Variants in AGO2 observed in about 807,000 individuals in gnomAD.
AGO2 encodes the protein protein argonaute-2.
AGO2 carries 5 observed loss-of-function variants against 102.3 expected under a neutral mutation model. That is an observed-to-expected ratio of 0.05 (90% CI 0.03 to 0.10). The LOEUF (loss-of-function observed/expected upper bound fraction) is 0.10, where lower values mean the gene tolerates loss of function less well. Among genes scored for constraint, AGO2 ranks in the 10% least tolerant of loss-of-function variants. The probability of loss-of-function intolerance (pLI) is 1.00; values close to 1 mark genes in which losing one functional copy is unlikely to be tolerated. For missense variants in AGO2, 541 were observed against 1,183.7 expected (o/e 0.46, Z 7.97); for synonymous variants, 449 against 473.1 (o/e 0.95, Z 0.66).
intron 1 of AGO2, among the ~76,000 whole-genome samples, chr8:140,587,742 G>A (rs922911057): frequency 3.9e-5 from 6 of 152,242 alleles, no homozygotes; most frequent in Admixed American, 2.0e-4. Flanking sequence ...GGCCACATAC[G>A]CACTTGTCAC....
chr8:140,548,364 C>T (rs964931278), intron 12 of AGO2, among the ~76,000 whole-genome samples: 1 of 150,830 alleles, frequency 6.6e-6, no homozygotes, highest in African/African-American at 2.4e-5. Context: ...TCACTCACAC[C>T]ACGGCGCCCT....
rs558686978 is a variant in AGO2 at position 140,562,043 on chromosome 8, C to T, written c.518+410G>A. On this transcript the variant is annotated intron_variant, in intron 4 of 18. Coordinates refer to ENST00000220592, the MANE Select transcript of AGO2 (RefSeq NM_012154.5). ...AAAAGAGTAATCCTGAGAAAAAGGA[C>T]GTCCCCAACAGTCACAAAAAGCAGC... 8.2e-4 allele frequency among the ~76,000 whole-genome samples: 125 copies of T among 152,290 alleles called. No individual in the cohort carries two copies. In the East Asian group the frequency reaches 8.5e-3, roughly 10 times the overall value.
At chr8:140,629,848 GAA>G (rs1237792426) in intron 1 of AGO2, among the ~76,000 whole-genome samples, 1 of 134,378 alleles carries the variant, frequency 7.4e-6, no homozygotes, top group African/African-American at 2.7e-5. Flanking sequence ...AAAAAGAAAA[GAA>G]AAGAGGAGAG....
At position 140,560,546 on chromosome 8, in the gene AGO2, A is replaced by G. The variant is rs867520046; in HGVS notation, c.519-36T>C. ...GAGACCCCACCCCGCCTCCCGTCAGATGTGTCTTCCGGAAGGAACAGCTGC... is the reference window on the plus strand; with the variant it reads ...GAGACCCCACCCCGCCTCCCGTCAGGTGTGTCTTCCGGAAGGAACAGCTGC... On this transcript the variant is annotated intron_variant, in intron 4 of 18. Transcript: ENST00000220592. The G allele has an allele frequency of 3.8e-6, 6 of 1,592,858 alleles. 1 individual carries two copies. In the Middle Eastern group the frequency reaches 8.4e-4, roughly 223 times the overall value.
chr8:140,610,365 C>T lies in AGO2; in HGVS notation c.23-25054G>A, dbSNP rs182528158. Among the ~76,000 whole-genome samples the T allele has an allele frequency of 1.9e-3, 289 of 152,104 alleles. 1 individual carries two copies. The highest frequency in any genetic ancestry group is 2.6e-3 in the Admixed American group (40 of 15,282). ...CCCGAGTAGCTGGGATTACAGGTGC[C>T]CACCACCATGCCCAGCTAATTGTTT... On this transcript the variant is annotated intron_variant, in intron 1 of 18. Transcript: ENST00000220592.
intron 1 of AGO2, among the ~76,000 whole-genome samples, chr8:140,624,722 G>A (rs945469714): frequency 1.3e-5 from 2 of 152,218 alleles, no homozygotes; most frequent in South Asian, 2.1e-4. Context: ...TTCGGATGCC[G>A]GACACTATGC....
At chr8:140,578,890 C>T (rs890934282) in intron 2 of AGO2, among the ~76,000 whole-genome samples, 2 of 152,276 alleles carry the variant, frequency 1.3e-5, no homozygotes, top group East Asian at 3.8e-4. Context: ...CCCCGTTTGC[C>T]TGTTTGCCCT....
intron 13 of AGO2, among the ~76,000 whole-genome samples, chr8:140,545,658 G>A (rs1478761538): frequency 1.3e-5 from 2 of 152,190 alleles, no homozygotes; most frequent in African/African-American, 2.4e-5. Context: ...TAATGATGAC[G>A]GGGTCTCTCC....
chr8:140,548,773 G>A (rs765159613), intron 12 of AGO2, among the ~76,000 whole-genome samples: 2 of 152,092 alleles, frequency 1.3e-5, no homozygotes, highest in Non-Finnish European at 2.9e-5. Context: ...GGCAGGAGGT[G>A]ACCCTGGTGC....
chr8:140,534,741 T>C (rs1043582070), intron 17 of AGO2, among the ~76,000 whole-genome samples: 3 of 152,240 alleles, frequency 2.0e-5, no homozygotes, highest in Non-Finnish European at 2.9e-5. Context: ...TCCTTACTTA[T>C]ACTTTGAAAA....
intron 1 of AGO2, chr8:140,591,668 C>G (rs751131204): frequency 1.4e-4 from 21 of 152,218 alleles, no homozygotes; most frequent in Admixed American, 1.4e-3. Context: ...CAACCTGAAA[C>G]TGCAACCACC....
In AGO2 at chr8:140,531,308, G is replaced by T. The variant is rs1313047474; in HGVS notation, c.*736C>A. On this transcript the variant is annotated 3_prime_UTR_variant, in exon 19 of 19. Transcript: ENST00000220592. Reference sequence around the variant, plus strand: ...CACAGTCCTATAGGACAAATCTGATGATTAGACTGTCAGTATATTGTCTTT... The same window carrying T: ...CACAGTCCTATAGGACAAATCTGATTATTAGACTGTCAGTATATTGTCTTT... 2 of 152,594 alleles carry T rather than the reference G, an allele frequency of 1.3e-5. No individual in the cohort carries two copies. Among genetic ancestry groups the T allele is most frequent in the Non-Finnish European group, 2.9e-5 (2 of 68,048 alleles). The allele number at this position is 152,594 out of a possible 1,614,324, so 9.5% of individuals were successfully genotyped here. A position where few individuals can be genotyped will look rare whatever the true frequency, so the allele number is the denominator to read the frequency against.
intron 2 of AGO2, among the ~76,000 whole-genome samples, chr8:140,583,788 T>C (rs939919908): frequency 6.6e-6 from 1 of 152,092 alleles, no homozygotes; most frequent in African/African-American, 2.4e-5. Context: ...GGCAGGAGAA[T>C]CACTTGAACC....
At chr8:140,535,296 C>T in intron 17 of AGO2, 172 bp downstream of exon 17, 1 of 660,432 alleles carries the variant, frequency 1.5e-6, no homozygotes, top group East Asian at 2.8e-5. Context: ...CCCCAGGCCC[C>T]TCTCCCCACC....
chr8:140,617,219 C>T (rs1177957715), intron 1 of AGO2, among the ~76,000 whole-genome samples: 1 of 152,150 alleles, frequency 6.6e-6, no homozygotes, highest in Non-Finnish European at 1.5e-5. Context: ...CTCTCGGGCG[C>T]ATTGACCTGT....
At chr8:140,622,219 C>T (rs1052786430) in intron 1 of AGO2, among the ~76,000 whole-genome samples, 1 of 152,160 alleles carries the variant, frequency 6.6e-6, no homozygotes, top group African/African-American at 2.4e-5. Context: ...GGGTAGTTCC[C>T]AGGGGCTGGG....
In AGO2 at chr8:140,567,955, G is replaced by T. The variant is rs1355360390; in HGVS notation, c.336+4857C>A. Reference sequence around the variant, plus strand: ...AGCCCGGGCAATGTGGCAAAACTCTGTCCCTACAAAAAGAAAATTAGTGGC... The same window carrying T: ...AGCCCGGGCAATGTGGCAAAACTCTTTCCCTACAAAAAGAAAATTAGTGGC... On this transcript the variant is annotated intron_variant, in intron 3 of 18. Coordinates refer to ENST00000220592, the MANE Select transcript of AGO2 (RefSeq NM_012154.5). The surrounding 1 kb of genome is among the most constrained non-coding windows in gnomAD (Gnocchi z 5.0). Among the ~76,000 whole-genome samples the T allele has an allele frequency of 1.3e-5, 2 of 152,034 alleles. No homozygotes were observed. The highest frequency in any genetic ancestry group is 2.9e-5 in the Non-Finnish European group (2 of 67,996).
At chr8:140,570,909 T>C (rs766455721) in intron 3 of AGO2, among the ~76,000 whole-genome samples, 3 of 152,226 alleles carry the variant, frequency 2.0e-5, no homozygotes, top group Non-Finnish European at 2.9e-5. Flanking sequence ...TCAGAAAAAC[T>C]ACCCTGATGC....
chr8:140,633,735 G>A (rs1349070250), intron 1 of AGO2, among the ~76,000 whole-genome samples: 1 of 152,200 alleles, frequency 6.6e-6, no homozygotes, highest in Non-Finnish European at 1.5e-5. Flanking sequence ...GGCACCCAGA[G>A]AACCAGCTCG....
Sources: allele counts gnomAD v4.1 joint callset (sites outside exome capture counted in the v4.1 genomes callset), GRCh38; gene constraint gnomAD v4.1.1; non-coding constraint Gnocchi (gnomAD v3.1); transcripts MANE v1.5; gene names NCBI Gene and HGNC (gene_info 2026-07-23, HGNC 2026-07-21).